PDZD2: variants seen among roughly 807,000 people sequenced by gnomAD.
PDZD2 encodes the protein PDZ domain containing 2.
PDZD2 carries 90 observed loss-of-function variants against 220.7 expected under a neutral mutation model. That is an observed-to-expected ratio of 0.41 (90% CI 0.34 to 0.49). The LOEUF (loss-of-function observed/expected upper bound fraction) is 0.49. PDZD2 is among the 20% of genes least tolerant of loss of function. The pLI is 0.28. For missense variants in PDZD2, 3,174 were observed against 3,608.5 expected (o/e 0.88, Z 3.08); for synonymous variants, 1,375 against 1,450.5 (o/e 0.95, Z 1.18).
chr5:32,104,187 C>T (rs142540732), intron 24 of PDZD2, among the ~76,000 whole-genome samples: 2 of 152,116 alleles, frequency 1.3e-5, no homozygotes, highest in East Asian at 1.9e-4. Flanking sequence ...GCAGGCGAAT[C>T]ACTTGAGGTC....
At chr5:31,663,022 G>A (rs759815522) in intron 1 of PDZD2, among the ~76,000 whole-genome samples, 15 of 152,120 alleles carry the variant, frequency 9.9e-5, no homozygotes, top group South Asian at 2.1e-4. Flanking sequence ...TTCAGGCCAC[G>A]GCACCACCTC....
At chr5:31,989,424 T>TTTTTTTTTTTTTTTATTTTTTTTTA (rs1751018076) in intron 3 of PDZD2, among the ~76,000 whole-genome samples, 2 of 136,690 alleles carry the variant, frequency 1.5e-5, no homozygotes, top group African/African-American at 5.8e-5. Context: ...TTCTTTTCTT[T>TTTTTTTTTTTTTTTATTTTTTTTTA]TTTTTTTTTT....
chr5:31,810,413 C>T (rs1026088106), intron 2 of PDZD2, among the ~76,000 whole-genome samples: 2 of 152,080 alleles, frequency 1.3e-5, no homozygotes, highest in African/African-American at 4.8e-5. Flanking sequence ...CAGGTGCCCA[C>T]CACCACGCCT....
intron 2 of PDZD2, among the ~76,000 whole-genome samples, chr5:31,973,652 T>C (rs1749497718): frequency 6.6e-6 from 1 of 152,206 alleles, no homozygotes; most frequent in African/African-American, 2.4e-5. Flanking sequence ...TAGAGTGTTA[T>C]GCAATCATAG....
chr5:32,014,249 C>T (rs921841662), intron 6 of PDZD2, among the ~76,000 whole-genome samples: 2 of 152,138 alleles, frequency 1.3e-5, no homozygotes, highest in Non-Finnish European at 2.9e-5. Context: ...ACCTGTATGT[C>T]GTCGTGTACT....
chr5:31,700,202 G>C (rs892916240), intron 1 of PDZD2, among the ~76,000 whole-genome samples: 13 of 152,124 alleles, frequency 8.5e-5, no homozygotes, highest in Admixed American at 6.6e-5. Context: ...GGCAAGTTAG[G>C]CCTAGAGGGA....
At chr5:32,032,365 C>T (rs543301950) in intron 6 of PDZD2, among the ~76,000 whole-genome samples, 24 of 152,168 alleles carry the variant, frequency 1.6e-4, no homozygotes, top group Non-Finnish European at 3.2e-4. Flanking sequence ...GAATCTGCCT[C>T]GGAATCAGAC....
At chr5:31,737,241 C>T (rs536336324) in intron 1 of PDZD2, among the ~76,000 whole-genome samples, 4 of 139,120 alleles carry the variant, frequency 2.9e-5, no homozygotes, top group Non-Finnish European at 6.0e-5. Context: ...GGCGCCATCT[C>T]GGCTCACTGC....
At chr5:31,928,331 G>A (rs1022780704) in intron 2 of PDZD2, among the ~76,000 whole-genome samples, 3 of 152,282 alleles carry the variant, frequency 2.0e-5, no homozygotes, top group African/African-American at 7.2e-5. Flanking sequence ...GGCCTCTCAA[G>A]GTGCTGGTAA....
intron 1 of PDZD2, among the ~76,000 whole-genome samples, chr5:31,778,884 G>A (rs1279485861): frequency 6.6e-6 from 1 of 152,128 alleles, no homozygotes; most frequent in African/African-American, 2.4e-5. Flanking sequence ...CCTTTCCTGA[G>A]ATGAAAACCG....
At chr5:31,951,122 A>G (rs1747139930) in intron 2 of PDZD2, among the ~76,000 whole-genome samples, 2 of 152,098 alleles carry the variant, frequency 1.3e-5, no homozygotes. Context: ...ACTGGAGAGC[A>G]GTGGCGCCAT....
chr5:31,672,323 GGT>G (rs1561375627), intron 1 of PDZD2, among the ~76,000 whole-genome samples: 2 of 151,572 alleles, frequency 1.3e-5, no homozygotes, highest in Non-Finnish European at 2.9e-5. Flanking sequence ...ACAGCCAATT[GGT>G]GGGTCACCCT....
chr5:31,983,792 T>G (rs1036750629), intron 3 of PDZD2, 136 bp downstream of exon 3: 3 of 886,938 alleles, frequency 3.4e-6, no homozygotes, highest in Non-Finnish European at 5.2e-6. Context: ...TTGAAGTTGC[T>G]TTTAAGGTTT....
rs553074801 is a variant in PDZD2 at position 31,662,919 on chromosome 5, C to T, written c.-361+23482C>T. 3.2e-4 allele frequency among the ~76,000 whole-genome samples: 48 copies of T among 152,342 alleles called. No homozygotes were observed. In the East Asian group the frequency reaches 7.5e-3, roughly 24 times the overall value. On this transcript the variant is annotated intron_variant, in intron 1 of 24. Transcript: ENST00000438447. ...TGCTGGGATTACAGGTGTGAGCCAC[C>T]TCACCTGGCCAAGGCCCCACCTTCT...
intron 1 of PDZD2, among the ~76,000 whole-genome samples, chr5:31,648,324 A>C (rs1745210711): frequency 6.6e-6 from 1 of 152,150 alleles, no homozygotes; most frequent in Non-Finnish European, 1.5e-5. Flanking sequence ...ACCTAACACA[A>C]CAAAATGCAA....
chr5:31,869,159 A>G (rs148414586), intron 2 of PDZD2, among the ~76,000 whole-genome samples: 178 of 152,346 alleles, frequency 1.2e-3, no homozygotes, highest in Admixed American at 2.9e-3. Context: ...AGTTCCAGAC[A>G]TGCTTTGTCT....
chr5:31,789,811 G>C (rs1753596690), intron 1 of PDZD2, among the ~76,000 whole-genome samples: 1 of 152,074 alleles, frequency 6.6e-6, no homozygotes, highest in Non-Finnish European at 1.5e-5. Context: ...CCAGCTGCTT[G>C]GGAGGCTGAG....
chr5:32,103,963 G>A (rs1744494731), intron 24 of PDZD2: 1 of 152,258 alleles, frequency 6.6e-6, no homozygotes, highest in African/African-American at 2.4e-5. Context: ...CTATGGAAAT[G>A]GATAGAGAAG....
chr5:31,930,591 C>T (rs968408997), intron 2 of PDZD2, among the ~76,000 whole-genome samples: 1 of 152,092 alleles, frequency 6.6e-6, no homozygotes, highest in African/African-American at 2.4e-5. Flanking sequence ...AGGCGTTATC[C>T]TTTGGACAAC....
Sources: gnomAD v4.1 joint callset for allele counts (sites outside exome capture counted in the v4.1 genomes callset) on GRCh38, gnomAD v4.1.1 for gene constraint, MANE v1.5 for transcripts, NCBI Gene and HGNC (gene_info 2026-07-23, HGNC 2026-07-21) for gene names.